SDC3: variants seen among roughly 807,000 people sequenced by gnomAD.
SDC3 encodes syndecan-3.
In SDC3, 13 loss-of-function variants were observed where a neutral mutation model predicts 24.4. The ratio of observed to expected loss-of-function variants is 0.53; its 90% CI spans 0.35 to 0.85. SDC3 has a LOEUF of 0.85. Ranked by LOEUF, SDC3 falls within the 40% of genes least tolerant of loss-of-function variation. SDC3 has a pLI of 0.01. For missense variants in SDC3, 571 were observed against 584.5 expected, an observed-to-expected ratio of 0.98 and a Z score of 0.24; for synonymous variants, 295 against 260.9, an observed-to-expected ratio of 1.13 and a Z score of -1.26.
At chr1:30,894,840 T>C (rs1639977937) in intron 1 of SDC3, among the ~76,000 whole-genome samples, 1 of 151,976 alleles carries the variant, frequency 6.6e-6, no homozygotes, top group Admixed American at 6.6e-5. Context: ...TGTGTATGCC[T>C]AGGGCTGTCT....
intron 1 of SDC3, among the ~76,000 whole-genome samples, chr1:30,883,548 T>C (rs1284224967): frequency 6.6e-6 from 1 of 152,164 alleles, no homozygotes; most frequent in African/African-American, 2.4e-5. Flanking sequence ...AGGCCAACAA[T>C]GATACTTCAT....
Position 30,897,852 on chromosome 1 carries a change from G to C in SDC3, c.138+10597C>G, listed in dbSNP as rs907206982. Among the ~76,000 whole-genome samples, 13 of 152,224 alleles carry C rather than the reference G, an allele frequency of 8.5e-5. 1 individual carries two copies. In the East Asian group the frequency reaches 1.9e-3, roughly 22 times the overall value. On this transcript the variant is annotated intron_variant, in intron 1 of 4. Coordinates refer to ENST00000339394, the MANE Select transcript of SDC3 (RefSeq NM_014654.4). ...CTCATAAGGCTAAGGATTGTTTATA[G>C]ATGAAACATTTGGCCGAGTGTTTTG...
intron 4 of SDC3, among the ~76,000 whole-genome samples, chr1:30,874,021 G>T (rs1057033163): frequency 1.3e-5 from 2 of 152,126 alleles, no homozygotes; most frequent in African/African-American, 4.8e-5. Flanking sequence ...AGGAAAGCAG[G>T]GATCAAAGTC....
At chr1:30,883,908 C>G (rs752058843) in intron 1 of SDC3, among the ~76,000 whole-genome samples, 8 of 152,168 alleles carry the variant, frequency 5.3e-5, no homozygotes, top group Non-Finnish European at 1.2e-4. Context: ...CTGCAGGCTC[C>G]GTCCCCAAAA....
chr1:30,874,910 C>G (rs1639612704), intron 3 of SDC3, among the ~76,000 whole-genome samples: 1 of 152,234 alleles, frequency 6.6e-6, no homozygotes, highest in South Asian at 2.1e-4. Context: ...CTGTCCCCCT[C>G]ATGTCCCCTC....
chr1:30,892,725 C>T (rs1051765479), intron 1 of SDC3, among the ~76,000 whole-genome samples: 1 of 152,196 alleles, frequency 6.6e-6, no homozygotes, highest in Non-Finnish European at 1.5e-5. Context: ...GTGTGCTGGA[C>T]TCTGCGCCAA....
At chr1:30,908,422 G>A (rs1273815084) in intron 1 of SDC3, 27 bp downstream of exon 1, 7 of 1,018,382 alleles carry the variant, frequency 6.9e-6, no homozygotes, top group Non-Finnish European at 8.2e-6. Flanking sequence ...GGGAGCCGTG[G>A]CGGGGATCCG....
chr1:30,880,968 C>T (rs1210310502), intron 1 of SDC3, among the ~76,000 whole-genome samples: 1 of 151,076 alleles, frequency 6.6e-6, no homozygotes, highest in Non-Finnish European at 1.5e-5. Context: ...TCCAGGTAAA[C>T]ACAACCCCCC....
chr1:30,885,809 G>A (rs1382510161), intron 1 of SDC3, among the ~76,000 whole-genome samples: 4 of 152,148 alleles, frequency 2.6e-5, no homozygotes, highest in Non-Finnish European at 4.4e-5. Flanking sequence ...TGGCTCAGCC[G>A]GGCTGGCCAG....
chr1:30,900,342 GC>G (rs1201841604), intron 1 of SDC3, among the ~76,000 whole-genome samples: 2 of 152,166 alleles, frequency 1.3e-5, no homozygotes, highest in Non-Finnish European at 2.9e-5. Flanking sequence ...CATCATCTGT[GC>G]TTGTGTCTGT....
chr1:30,908,304 G>A, intron 1 of SDC3, 145 bp downstream of exon 1: 1 of 260,830 alleles, frequency 3.8e-6, no homozygotes, highest in Non-Finnish European at 5.9e-6. Context: ...GAGGGTCGAG[G>A]GGTGGCAGGG....
Position 30,887,209 on chromosome 1 carries a change from G to A in SDC3, c.139-8469C>T, listed in dbSNP as rs554057864. ...TGCCCCCACCATGACTCACCAGCAG[G>A]TGCCTCTAGGAGTCTGTCTCCAGGC... On this transcript the variant is annotated intron_variant, in intron 1 of 4. Transcript: ENST00000339394. Among the ~76,000 whole-genome samples the A allele has an allele frequency of 4.2e-4, 64 of 152,074 alleles. 1 individual carries two copies. The highest frequency in any genetic ancestry group is 3.4e-3 in the Middle Eastern group (1 of 294).
At chr1:30,903,236 A>C (rs1446874192) in intron 1 of SDC3, among the ~76,000 whole-genome samples, 1 of 152,134 alleles carries the variant, frequency 6.6e-6, no homozygotes, top group East Asian at 1.9e-4. Flanking sequence ...TAAGGGCCAG[A>C]GGGGGTTAAA....
Position 30,878,824 on chromosome 1 carries a change from T to A in SDC3, c.139-84A>T. 7 of 1,031,682 alleles carry A rather than the reference T, an allele frequency of 6.8e-6. No homozygotes were observed. In the South Asian group the frequency reaches 7.8e-5, roughly 11 times the overall value. 63.9% of individuals were successfully genotyped at this position (1,031,682 alleles called of 1,614,324 possible). ...CCCAGAAGGGCGACAGGTGCCCTTG[T>A]GGGCTGAGTGACATCCACGTGGGTG... On this transcript the variant is annotated intron_variant, in intron 1 of 4. Coordinates refer to ENST00000339394, the MANE Select transcript of SDC3 (RefSeq NM_014654.4).
chr1:30,870,117 G>A lies in SDC3; in HGVS notation c.*3094C>T, dbSNP rs1639506577. 5.1e-6 allele frequency: 2 copies of A among 391,076 alleles called. No individual in the cohort carries two copies. Among genetic ancestry groups the A allele is most frequent in the Non-Finnish European group, 9.0e-6 (2 of 221,966 alleles). 24.2% of individuals were successfully genotyped at this position (391,076 alleles called of 1,614,324 possible). A position where few individuals can be genotyped will look rare whatever the true frequency, so the allele number is the denominator to read the frequency against. ...AGCCACTCCTACCCCATGAGGCAGA[G>A]GGTCTGCTCCCTGTGTCCAGGGGCC... On this transcript the variant is annotated 3_prime_UTR_variant, in exon 5 of 5. Transcript: ENST00000339394.
In SDC3 at chr1:30,901,579, T is replaced by A. The variant is rs76045805; in HGVS notation, c.138+6870A>T. On this transcript the variant is annotated intron_variant, in intron 1 of 4. Coordinates refer to ENST00000339394, the MANE Select transcript of SDC3 (RefSeq NM_014654.4). ...AAACTCAGCACCACGGACCCTAGAA[T>A]GTGCTTCCTCTCATCTGGCTTAAGT... Among the ~76,000 whole-genome samples, 230 of 152,284 alleles carry A rather than the reference T, an allele frequency of 1.5e-3. 1 individual carries two copies. Among genetic ancestry groups the A allele is most frequent in the African/African-American group, 4.9e-3 (203 of 41,560 alleles).
At chr1:30,883,219 A>G (rs1398818657) in intron 1 of SDC3, among the ~76,000 whole-genome samples, 2 of 152,184 alleles carry the variant, frequency 1.3e-5, no homozygotes, top group Non-Finnish European at 1.5e-5. Flanking sequence ...AAGGGGGAGA[A>G]AGGGCAAGTT....
rs1201817046 is a variant in SDC3, at chr1:30,871,851, C to T, written c.*1360G>A. On this transcript the variant is annotated 3_prime_UTR_variant, in exon 5 of 5. Transcript: ENST00000339394. ...CTGGGGCCAAATTTCCTTCCTCAGC[C>T]TTAGAGGAGCCCCCAGGCTCCCAGC... 1 of 152,326 alleles carries T rather than the reference C, an allele frequency of 6.6e-6. No homozygotes were observed. Among genetic ancestry groups the T allele is most frequent in the Non-Finnish European group, 1.5e-5 (1 of 68,104 alleles). 9.4% of individuals were successfully genotyped at this position (152,326 alleles called of 1,614,324 possible). A position where few individuals can be genotyped will look rare whatever the true frequency, so the allele number is the denominator to read the frequency against.
intron 1 of SDC3, among the ~76,000 whole-genome samples, chr1:30,889,402 A>G (rs896727190): frequency 6.6e-6 from 1 of 152,178 alleles, no homozygotes; most frequent in Non-Finnish European, 1.5e-5. Context: ...GTACGTGGTC[A>G]GCACGTACAA....
Sources: gnomAD v4.1 joint callset for allele counts (sites outside exome capture counted in the v4.1 genomes callset) on GRCh38, gnomAD v4.1.1 for gene constraint, MANE v1.5 for transcripts, NCBI Gene and HGNC (gene_info 2026-07-23, HGNC 2026-07-21) for gene names.